Variants in HVCN1 observed in about 807,000 individuals in gnomAD.
HVCN1 encodes hydrogen voltage gated channel 1.
In HVCN1, 14 loss-of-function variants were observed where a neutral mutation model predicts 29.2. That is an observed-to-expected ratio of 0.48 (90% CI 0.32 to 0.75). HVCN1 has a LOEUF of 0.75. HVCN1 is among the 30% of genes least tolerant of loss of function. The probability of loss-of-function intolerance (pLI) is 0.04; values close to 1 mark genes in which losing one functional copy is unlikely to be tolerated. For missense variants in HVCN1, 263 were observed against 341.8 expected (o/e 0.77, Z 1.82); for synonymous variants, 131 against 133.2 (o/e 0.98, Z 0.11).
chr12:110,682,233 CT>C (rs1273393349), intron 3 of HVCN1, among the ~76,000 whole-genome samples: 1 of 152,210 alleles, frequency 6.6e-6, no homozygotes, highest in Non-Finnish European at 1.5e-5. Flanking sequence ...GGTGATCCAC[CT>C]GCCTCGGCCT....
chr12:110,669,794 G>C (rs1456544959), intron 3 of HVCN1, among the ~76,000 whole-genome samples: 4 of 152,192 alleles, frequency 2.6e-5, no homozygotes, highest in Non-Finnish European at 5.9e-5. Context: ...GGTGGCTCAA[G>C]CCTGTAATCC....
chr12:110,697,492 T>C (rs1411089749), intron 2 of HVCN1, among the ~76,000 whole-genome samples: 2 of 144,614 alleles, frequency 1.4e-5, no homozygotes, highest in African/African-American at 5.1e-5. Context: ...AGGGAGAGAG[T>C]GGAAAGGAGA....
intron 5 of HVCN1, among the ~76,000 whole-genome samples, chr12:110,654,148 A>G (rs926955147): frequency 1.3e-5 from 2 of 151,878 alleles, no homozygotes; most frequent in Non-Finnish European, 2.9e-5. Context: ...AAAATAGAGG[A>G]AGAGAGCCAA....
intron 3 of HVCN1, among the ~76,000 whole-genome samples, chr12:110,669,607 T>C (rs1171229337): frequency 6.6e-6 from 1 of 152,206 alleles, no homozygotes; most frequent in Non-Finnish European, 1.5e-5. Context: ...ACCTAGATTT[T>C]ACCTTCCCTG....
upstream of HVCN1, among the ~76,000 whole-genome samples, chr12:110,694,451 G>A (rs1038346705): frequency 3.3e-5 from 5 of 152,374 alleles, no homozygotes; most frequent in Non-Finnish European, 7.3e-5. This position sits in a 1 kb window ranked among gnomAD's most constrained non-coding sequence, Gnocchi z 4.6. Flanking sequence ...GGCCAGGGCA[G>A]TGGCCAGCTC....
At chr12:110,695,054 T>C (rs1181524536) in intron 2 of HVCN1, among the ~76,000 whole-genome samples, 1 of 152,162 alleles carries the variant, frequency 6.6e-6, no homozygotes, top group African/African-American at 2.4e-5. Flanking sequence ...CCTGCCCTCA[T>C]TAAACTTAGT....
At chr12:110,665,525 C>T (rs1226675363) in intron 3 of HVCN1, among the ~76,000 whole-genome samples, 1 of 149,218 alleles carries the variant, frequency 6.7e-6, no homozygotes, top group Non-Finnish European at 1.5e-5. Flanking sequence ...CATTGCACTC[C>T]AGCCTGGACA....
In HVCN1 at chr12:110,702,869, G is replaced by C. The variant is rs1013516010; in HGVS notation, c.-228-436C>G. ...TGGTTTCTCCATGTTGGTCAGCCTG[G>C]TCTCGAACTCCTGACCTCAGGTGAT... On this transcript the variant is annotated intron_variant, in intron 1 of 4. Transcript: ENST00000546713. 6.6e-5 allele frequency among the ~76,000 whole-genome samples: 10 copies of C among 152,240 alleles called. 1 individual carries two copies. The South Asian group carries it at 2.1e-3, about 32-fold the overall frequency.
At chr12:110,655,442 G>T in intron 4 of HVCN1, 104 bp from the exon 5 acceptor site, 1 of 820,928 alleles carries the variant, frequency 1.2e-6, no homozygotes, top group Non-Finnish European at 2.1e-6. Flanking sequence ...AAACCACTGG[G>T]CAAAGCCATT....
chr12:110,654,276 A>T (rs2067911528), intron 5 of HVCN1, among the ~76,000 whole-genome samples: 1 of 151,876 alleles, frequency 6.6e-6, no homozygotes, highest in African/African-American at 2.4e-5. Flanking sequence ...ATTTAGGAGA[A>T]AACAGATGGA....
In HVCN1 at chr12:110,694,779, C is replaced by T. The variant is rs372795003; in HGVS notation, c.-103-6071G>A. On this transcript the variant is annotated intron_variant, in intron 2 of 4. Transcript: ENST00000546713. This position sits in a 1 kb window ranked among gnomAD's most constrained non-coding sequence, Gnocchi z 4.6. ...CTGCACAAGGCCTGGGCACCGATGC[C>T]TGATGACGCAGCTATGTGAAAAGGG... Among the ~76,000 whole-genome samples the T allele has an allele frequency of 1.1e-4, 16 of 152,350 alleles. No homozygotes were observed. The East Asian group carries it at 1.7e-3, about 17-fold the overall frequency.
At chr12:110,696,411 C>G (rs1374394600) in intron 2 of HVCN1, among the ~76,000 whole-genome samples, 27 of 152,040 alleles carry the variant, frequency 1.8e-4, no homozygotes, top group Admixed American at 1.8e-3. Context: ...TTCATTATCT[C>G]AAAAGGAAAC....
rs2067668370 is a variant in HVCN1, at chr12:110,649,331, C to T, written c.*79G>A. On this transcript the variant is annotated 3_prime_UTR_variant, in exon 8 of 8. Coordinates refer to ENST00000242607, the MANE Select transcript of HVCN1 (RefSeq NM_032369.4). ...AAACCAAACCTCTCACCAAGCGGCCCAGGAGGGGCAGCTGTTCCTCTCGTG... is the reference window on the plus strand; with the variant it reads ...AAACCAAACCTCTCACCAAGCGGCCTAGGAGGGGCAGCTGTTCCTCTCGTG... 1 of 1,188,928 alleles carries T rather than the reference C, an allele frequency of 8.4e-7. No individual in the cohort carries two copies. Among genetic ancestry groups the T allele is most frequent in the South Asian group, 1.3e-5 (1 of 78,622 alleles). 73.6% of individuals were successfully genotyped at this position (1,188,928 alleles called of 1,614,324 possible).
chr12:110,671,423 G>C lies in HVCN1; in HGVS notation c.22-9975C>G, dbSNP rs377082704. 1.6e-3 allele frequency among the ~76,000 whole-genome samples: 251 copies of C among 152,296 alleles called. 2 individuals are homozygous for C. The highest frequency in any genetic ancestry group is 5.8e-3 in the African/African-American group (243 of 41,568). ...AAGCCAAAGACTGCAGACAACACCA[G>C]AGGCTGGGATGGAAGAGGCCTGGGA... On this transcript the variant is annotated intron_variant, in intron 3 of 7. Transcript: ENST00000242607.
At chr12:110,687,177 G>A (rs2069214381) in intron 2 of HVCN1, among the ~76,000 whole-genome samples, 2 of 151,816 alleles carry the variant, frequency 1.3e-5, no homozygotes, top group South Asian at 4.1e-4. Context: ...AGAGGAAAGG[G>A]CAAGATCACG....
chr12:110,666,593 A>G (rs2068370516), intron 3 of HVCN1, among the ~76,000 whole-genome samples: 1 of 152,170 alleles, frequency 6.6e-6, no homozygotes, highest in Non-Finnish European at 1.5e-5. Flanking sequence ...ATGGCCCTCC[A>G]GGAACTGGCA....
chr12:110,654,624 G>T (rs529425966), intron 5 of HVCN1, among the ~76,000 whole-genome samples: 3 of 151,836 alleles, frequency 2.0e-5, no homozygotes, highest in African/African-American at 4.8e-5. Flanking sequence ...GATTACAGGC[G>T]CATGCCACCA....
chr12:110,703,331 A>G (rs907368108), intron 1 of HVCN1, among the ~76,000 whole-genome samples: 1 of 151,868 alleles, frequency 6.6e-6, no homozygotes, highest in Admixed American at 6.6e-5. Flanking sequence ...TGAGGCTGCA[A>G]TGAGCTGTGA....
At chr12:110,691,502 C>T (rs2069406170), upstream of HVCN1, among the ~76,000 whole-genome samples, 1 of 152,204 alleles carries the variant, frequency 6.6e-6, no homozygotes, top group Non-Finnish European at 1.5e-5. Flanking sequence ...TAAAAATTCT[C>T]CTCCTCCCCC....
Sources: allele counts gnomAD v4.1 joint callset (sites outside exome capture counted in the v4.1 genomes callset), GRCh38; gene constraint gnomAD v4.1.1; non-coding constraint Gnocchi (gnomAD v3.1); transcripts MANE v1.5; gene names NCBI Gene and HGNC (gene_info 2026-07-23, HGNC 2026-07-21).